The following WDR64 variants were observed in gnomAD, a reference collection of about 807,000 sequenced individuals.
WDR64 encodes WD repeat domain 64.
Under a neutral mutation model 139.3 loss-of-function variants are expected in WDR64, and 112 were observed. That is an observed-to-expected ratio of 0.80 (90% CI 0.69 to 0.94). The LOEUF is 0.94. WDR64 is among the 40% of genes least tolerant of loss of function. The pLI is 0.00. For synonymous variants in WDR64, 444 were observed against 437.7 expected (o/e 1.01, Z -0.18); for missense variants, 1,206 against 1,293.1 (o/e 0.93, Z 1.03).
Position 241,674,629 on chromosome 1 carries a change from T to G in WDR64, c.380-15T>G. On this transcript the variant is annotated splice_polypyrimidine_tract_variant and intron_variant, in intron 3 of 27. Transcript: ENST00000437684. Reference sequence around the variant, plus strand: ...TTACTGCTGAAAGTTGAAATGAATATTATGCTGTTGACAGGTAGTAGAAGA... The same window carrying G: ...TTACTGCTGAAAGTTGAAATGAATAGTATGCTGTTGACAGGTAGTAGAAGA... The G allele has an allele frequency of 6.7e-7, 1 of 1,497,518 alleles. No homozygotes were observed. The allele number at this position is 1,497,518 out of a possible 1,614,324, so 92.8% of individuals were successfully genotyped here. A position where few individuals can be genotyped will look rare whatever the true frequency, so the allele number is the denominator to read the frequency against.
chr1:241,790,427 G>A (rs1203763234), intron 24 of WDR64, among the ~76,000 whole-genome samples, 164 bp from the exon 25 acceptor site: 1 of 152,128 alleles, frequency 6.6e-6, no homozygotes, highest in Non-Finnish European at 1.5e-5. Context: ...GAATATTTGG[G>A]AAACCAACTG....
chr1:241,692,219 G>C (rs1185437873), intron 8 of WDR64, among the ~76,000 whole-genome samples: 2 of 152,110 alleles, frequency 1.3e-5, no homozygotes, highest in Non-Finnish European at 2.9e-5. Flanking sequence ...CAAGATACCA[G>C]TTTTTCCCAA....
intron 10 of WDR64, among the ~76,000 whole-genome samples, chr1:241,737,258 C>A (rs1218524499): frequency 6.6e-6 from 1 of 152,206 alleles, no homozygotes; most frequent in East Asian, 1.9e-4. Flanking sequence ...TACATTTGAG[C>A]AAAAGCTCCT....
chr1:241,792,380 C>CA (rs1192382231), intron 25 of WDR64, among the ~76,000 whole-genome samples: 5 of 151,874 alleles, frequency 3.3e-5, no homozygotes, highest in Non-Finnish European at 7.4e-5. Context: ...ACTAAAAATA[C>CA]AAAAAATCAG....
chr1:241,781,119 T>C (rs1658831173), intron 22 of WDR64, among the ~76,000 whole-genome samples: 1 of 152,160 alleles, frequency 6.6e-6, no homozygotes, highest in Non-Finnish European at 1.5e-5. Flanking sequence ...TTTTAACAGA[T>C]AAAATGTCAT....
At chr1:241,669,474 T>A (rs1355895945) in intron 2 of WDR64, among the ~76,000 whole-genome samples, 1 of 152,260 alleles carries the variant, frequency 6.6e-6, no homozygotes, top group African/African-American at 2.4e-5. Context: ...AATTAGATAT[T>A]AAACCTAGAG....
chr1:241,773,954 C>A (rs1658557011), intron 20 of WDR64, among the ~76,000 whole-genome samples: 1 of 152,016 alleles, frequency 6.6e-6, no homozygotes, highest in Admixed American at 6.6e-5. Flanking sequence ...TGTTAGTTTA[C>A]CAAACAGTTG....
At chr1:241,751,753 G>T (rs1038632471) in intron 14 of WDR64, among the ~76,000 whole-genome samples, 4 of 152,148 alleles carry the variant, frequency 2.6e-5, no homozygotes, top group Non-Finnish European at 4.4e-5. Context: ...AATATTCTGG[G>T]CATGATTTCC....
intron 21 of WDR64, among the ~76,000 whole-genome samples, chr1:241,776,051 TTC>T (rs1380603271): frequency 6.6e-6 from 1 of 152,154 alleles, no homozygotes; most frequent in Non-Finnish European, 1.5e-5. Context: ...ATAAACATTT[TTC>T]TCATTTCAAA....
chr1:241,661,746 T>A (rs1034894980), intron 2 of WDR64, among the ~76,000 whole-genome samples: 5 of 152,216 alleles, frequency 3.3e-5, no homozygotes, highest in African/African-American at 9.6e-5. Context: ...GCCAGAAACG[T>A]ACTTCATTTA....
chr1:241,694,301 C>A (rs1558476197), intron 8 of WDR64, among the ~76,000 whole-genome samples: 1 of 151,894 alleles, frequency 6.6e-6, no homozygotes, highest in African/African-American at 2.4e-5. Context: ...ATGAAAGATA[C>A]TTTTTTTTCA....
At chr1:241,784,351 T>C (rs569361910) in intron 23 of WDR64, among the ~76,000 whole-genome samples, 1 of 152,324 alleles carries the variant, frequency 6.6e-6, no homozygotes, top group Admixed American at 6.5e-5. Flanking sequence ...GTGAATGTAG[T>C]GGCTTGGATT....
At chr1:241,668,338 T>A (rs1308386547) in intron 2 of WDR64, among the ~76,000 whole-genome samples, 1 of 151,576 alleles carries the variant, frequency 6.6e-6, no homozygotes, top group Non-Finnish European at 1.5e-5. Context: ...TGAAACCTCA[T>A]CTCTACTAAA....
chr1:241,665,240 T>C (rs926925360), intron 2 of WDR64, among the ~76,000 whole-genome samples: 1 of 152,280 alleles, frequency 6.6e-6, no homozygotes, highest in Non-Finnish European at 1.5e-5. Context: ...TGTTCTTCTT[T>C]TATTGTCCTG....
In WDR64 at chr1:241,757,284, G is replaced by A; in HGVS notation, c.1772G>A (p.Gly591Asp). The A allele has an allele frequency of 1.2e-6, 2 of 1,612,434 alleles. No homozygotes were observed. Among genetic ancestry groups the A allele is most frequent in the Non-Finnish European group, 1.7e-6 (2 of 1,179,326 alleles). ...ERNGTIKMIQ[G>D]KEDDIYLMVI... ...GCACTCACTGGATTTCTGTTAAAGG[G>A]TAAGGAAGATGATATCTACCTCATG... The change falls in exon 15 of 28, where the codon GGT (glycine) becomes GAT (aspartate). Residue 591 changes from glycine (G) to aspartate (D), a missense_variant and splice_region_variant. Physicochemically the swap from Gly to Asp is moderately conservative, Grantham distance 94 (BLOSUM62 -1). Transcript: ENST00000437684.
Position 241,656,981 on chromosome 1 carries a change from T to G in WDR64, c.146-3549T>G, listed in dbSNP as rs754055786. On this transcript the variant is annotated intron_variant, in intron 1 of 27. Coordinates refer to ENST00000437684, the MANE Select transcript of WDR64 (RefSeq NM_001367482.1). This position sits in a 1 kb window ranked among gnomAD's most constrained non-coding sequence, Gnocchi z 4.3. ...AACCACTGCTCTAGATTCCTGCCTT[T>G]CCTTTGCTTACCACTTCTGCCCCCA... is the stretch of plus-strand genomic sequence containing the variant. Among the ~76,000 whole-genome samples, 74 of 151,688 alleles carry G rather than the reference T, an allele frequency of 4.9e-4. No individual in the cohort carries two copies. The highest frequency in any genetic ancestry group is 9.4e-4 in the Non-Finnish European group (64 of 67,908).
chr1:241,779,910 A>G (rs1161149071), intron 21 of WDR64, 94 bp from the exon 22 acceptor site: 1 of 862,062 alleles, frequency 1.2e-6, no homozygotes, highest in Non-Finnish European at 1.8e-6. Context: ...TTTATTCAGC[A>G]TTATAAATAC....
intron 8 of WDR64, among the ~76,000 whole-genome samples, chr1:241,706,931 T>C (rs1227592592): frequency 1.3e-5 from 2 of 152,194 alleles, no homozygotes; most frequent in Non-Finnish European, 2.9e-5. Context: ...AGCTACAAAA[T>C]GTGTTTGGGG....
chr1:241,664,210 T>C (rs932016658), intron 2 of WDR64, among the ~76,000 whole-genome samples: 1 of 152,210 alleles, frequency 6.6e-6, no homozygotes, highest in Non-Finnish European at 1.5e-5. Context: ...TTGAATGCAA[T>C]GTCATTAAAC....
Sources: allele counts gnomAD v4.1 joint callset (sites outside exome capture counted in the v4.1 genomes callset), GRCh38; gene constraint gnomAD v4.1.1; non-coding constraint Gnocchi (gnomAD v3.1); transcripts MANE v1.5; gene names NCBI Gene and HGNC (gene_info 2026-07-23, HGNC 2026-07-21).